SLC9B1: variants seen among roughly 807,000 people sequenced by gnomAD.
SLC9B1 encodes sodium/hydrogen exchanger 9B1.
A neutral mutation model predicts 51.7 loss-of-function variants in SLC9B1; 32 were observed. The ratio of observed to expected loss-of-function variants is 0.62; its 90% CI spans 0.47 to 0.83. The LOEUF is 0.83. Ranked by LOEUF, SLC9B1 falls within the 40% of genes least tolerant of loss-of-function variation. SLC9B1 has a pLI of 0.00. For synonymous variants in SLC9B1, 145 were observed against 212.7 expected (o/e 0.68, Z 2.77); for missense variants, 406 against 613.2 (o/e 0.66, Z 3.57).
intron 3 of SLC9B1, among the ~76,000 whole-genome samples, chr4:102,981,655 T>A (rs1739367832): frequency 6.6e-6 from 1 of 152,200 alleles, no homozygotes; most frequent in Non-Finnish European, 1.5e-5. Context: ...TATATCTTAT[T>A]TCGTGAGGTT....
intron 3 of SLC9B1, among the ~76,000 whole-genome samples, chr4:102,975,189 T>C (rs1384359395): frequency 6.6e-6 from 1 of 152,100 alleles, no homozygotes; most frequent in Non-Finnish European, 1.5e-5. Flanking sequence ...GTTTTTATTT[T>C]GTAGAGATGA....
At chr4:102,942,231 C>T (rs879225135) in intron 6 of SLC9B1, among the ~76,000 whole-genome samples, 1 of 152,122 alleles carries the variant, frequency 6.6e-6, no homozygotes, top group African/African-American at 2.4e-5. Flanking sequence ...AGAAACACAT[C>T]ACACGCTCAT....
intron 6 of SLC9B1, among the ~76,000 whole-genome samples, chr4:102,935,487 C>G (rs1335830420): frequency 6.6e-6 from 1 of 152,110 alleles, no homozygotes; most frequent in Non-Finnish European, 1.5e-5. Flanking sequence ...TCTAGACAAA[C>G]TTATATTTAA....
intron 7 of SLC9B1, among the ~76,000 whole-genome samples, chr4:102,928,885 G>T (rs956245286): frequency 1.3e-5 from 2 of 152,172 alleles, no homozygotes; most frequent in African/African-American, 4.8e-5. Flanking sequence ...AAAAGCCAAA[G>T]AACCTGGAGT....
chr4:103,001,488 T>G (rs551958036), intron 1 of SLC9B1, among the ~76,000 whole-genome samples: 2 of 152,348 alleles, frequency 1.3e-5, no homozygotes, highest in African/African-American at 4.8e-5. Context: ...CTCTTGAGTA[T>G]GAAGTTCCAC....
At chr4:103,000,911 G>T in intron 1 of SLC9B1, among the ~76,000 whole-genome samples, 1 of 152,338 alleles carries the variant, frequency 6.6e-6, no homozygotes. Flanking sequence ...CTGTGAGGGG[G>T]TCCAACCCTA....
intron 11 of SLC9B1, chr4:102,885,338 C>G (rs766086013): frequency 6.2e-7 from 1 of 1,613,888 alleles, no homozygotes; most frequent in Non-Finnish European, 8.5e-7. Context: ...TCTTAAAATA[C>G]AAAAGGAAAA....
At chr4:102,973,224 G>C (rs1385575516) in intron 3 of SLC9B1, among the ~76,000 whole-genome samples, 1 of 151,920 alleles carries the variant, frequency 6.6e-6, no homozygotes, top group East Asian at 1.9e-4. Context: ...AAAACATGAA[G>C]ACACAAAATT....
At chr4:102,955,379 A>G (rs1737731641) in intron 3 of SLC9B1, among the ~76,000 whole-genome samples, 1 of 152,122 alleles carries the variant, frequency 6.6e-6, no homozygotes, top group Admixed American at 6.6e-5. Context: ...AGTCTTGGGT[A>G]TGTCTTTATC....
intron 7 of SLC9B1, among the ~76,000 whole-genome samples, chr4:102,914,129 A>G (rs1449827507): frequency 6.6e-6 from 1 of 151,636 alleles, no homozygotes; most frequent in Non-Finnish European, 1.5e-5. Flanking sequence ...CAGGTTGGAG[A>G]TGAAATCATA....
At chr4:102,913,260 G>A (rs1367903710) in intron 7 of SLC9B1, among the ~76,000 whole-genome samples, 2 of 152,176 alleles carry the variant, frequency 1.3e-5, no homozygotes, top group South Asian at 2.1e-4. Context: ...CTTTGGATGC[G>A]TGGGAGCCAC....
At chr4:103,012,605 T>C (rs1741140108) in intron 1 of SLC9B1, among the ~76,000 whole-genome samples, 1 of 152,224 alleles carries the variant, frequency 6.6e-6, no homozygotes, top group South Asian at 2.1e-4. Flanking sequence ...ATAGGAACAC[T>C]CCACTTCTTA....
intron 7 of SLC9B1, among the ~76,000 whole-genome samples, chr4:102,926,545 G>A (rs1472957851): frequency 6.6e-6 from 1 of 152,202 alleles, no homozygotes; most frequent in Non-Finnish European, 1.5e-5. Context: ...TACAAGGGTT[G>A]TGAAGGACCT....
chr4:102,935,077 A>C (rs906940916), intron 6 of SLC9B1, among the ~76,000 whole-genome samples: 7 of 152,190 alleles, frequency 4.6e-5, no homozygotes, highest in African/African-American at 1.7e-4. Context: ...ATCACAAACA[A>C]AATTAAATAT....
exon 12 of SLC9B1, chr4:102,885,050 T>G: frequency 1.6e-6 from 1 of 623,720 alleles, no homozygotes; most frequent in Non-Finnish European, 2.9e-6. Context: ...AAGGTGGTCT[T>G]TGGTAGAGCT....
chr4:102,993,183 C>G (rs1458831965), intron 1 of SLC9B1, among the ~76,000 whole-genome samples: 4 of 152,154 alleles, frequency 2.6e-5, no homozygotes, highest in Non-Finnish European at 5.9e-5. Flanking sequence ...AGCATTATCT[C>G]AAAAGCCTAA....
chr4:103,012,109 C>T (rs1741114159), intron 1 of SLC9B1, among the ~76,000 whole-genome samples: 1 of 152,154 alleles, frequency 6.6e-6, no homozygotes, highest in Non-Finnish European at 1.5e-5. Flanking sequence ...ATTATAAATT[C>T]CATCTTGAAT....
chr4:102,950,878 C>T (rs1737518676), intron 3 of SLC9B1, among the ~76,000 whole-genome samples: 2 of 152,134 alleles, frequency 1.3e-5, no homozygotes, highest in Admixed American at 1.3e-4. Context: ...GCCTATAATC[C>T]CAGCTACTTG....
chr4:102,888,219 A>G (rs1468625786), intron 11 of SLC9B1: 1 of 152,256 alleles, frequency 6.6e-6, no homozygotes, highest in Non-Finnish European at 1.5e-5. Context: ...TCAGTGTTCA[A>G]AATTGTGTTT....
Sources: gnomAD v4.1 joint callset for allele counts (sites outside exome capture counted in the v4.1 genomes callset) on GRCh38, gnomAD v4.1.1 for gene constraint, MANE v1.5 for transcripts, NCBI Gene and HGNC (gene_info 2026-07-23, HGNC 2026-07-21) for gene names.